SCARB1: variants seen among roughly 807,000 people sequenced by gnomAD.
The protein encoded by SCARB1 is CD36 and LIMPII analogous 1.
SCARB1 carries 30 observed loss-of-function variants against 57.2 expected under a neutral mutation model. The observed-to-expected ratio is 0.52, with a 90% CI of 0.39 to 0.71. SCARB1 has a LOEUF of 0.71. Among genes scored for constraint, SCARB1 ranks in the 30% least tolerant of loss-of-function variants. SCARB1 has a pLI of 0.00. For synonymous variants in SCARB1, 249 were observed against 268.3 expected, an observed-to-expected ratio of 0.93 and a Z score of 0.70; for missense variants, 543 against 671.2, an observed-to-expected ratio of 0.81 and a Z score of 2.11.
intron 2 of SCARB1, among the ~76,000 whole-genome samples, chr12:124,816,118 T>G (rs2135684237): frequency 6.6e-6 from 1 of 152,274 alleles, no homozygotes; most frequent in Non-Finnish European, 1.5e-5. Flanking sequence ...TGAGTGTCCC[T>G]TTGCAGATGT....
At chr12:124,805,943 A>C (rs994201606) in intron 7 of SCARB1, among the ~76,000 whole-genome samples, 2 of 152,074 alleles carry the variant, frequency 1.3e-5, no homozygotes, top group Non-Finnish European at 2.9e-5. Flanking sequence ...AATGTTCTCT[A>C]TCTGTGCTAT....
Position 124,800,220 on chromosome 12 carries a change from A to G in SCARB1, c.1032T>C (p.His344=). Residue 344 remains histidine (H), a synonymous_variant, in exon 8 of 13, where the codon CAT becomes CAC. Transcript: ENST00000261693. The surrounding 1 kb of genome is among the most constrained non-coding windows in gnomAD (Gnocchi z 4.8). ...CRFSAPLFLS[H]PHFLNADPVL... ...CCGGGTCAGCGTTGAGGAAGTGAGG[A>G]TGGGAGAGAAACAAGGGGGCACCTA... The G allele has an allele frequency of 1.2e-6, 2 of 1,613,370 alleles. No individual in the cohort carries two copies. Among genetic ancestry groups the G allele is most frequent in the Non-Finnish European group, 1.7e-6 (2 of 1,179,406 alleles).
chr12:124,806,355 G>T (rs1950323869), intron 7 of SCARB1, among the ~76,000 whole-genome samples: 1 of 152,154 alleles, frequency 6.6e-6, no homozygotes, highest in African/African-American at 2.4e-5. Context: ...TGAGGTGGGG[G>T]TGTCTCAGGG....
chr12:124,801,556 G>A (rs1275049720), intron 7 of SCARB1, among the ~76,000 whole-genome samples: 2 of 152,220 alleles, frequency 1.3e-5, no homozygotes, highest in African/African-American at 4.8e-5. Context: ...GCCAAGGCGG[G>A]TGGATCACTT....
At chr12:124,830,958 A>G (rs1951359954) in intron 1 of SCARB1, among the ~76,000 whole-genome samples, 1 of 147,890 alleles carries the variant, frequency 6.8e-6, no homozygotes. Context: ...GACTACAGGC[A>G]TACGCCACCA....
Position 124,849,950 on chromosome 12 carries a change from G to C in SCARB1, c.126+13645C>G, listed in dbSNP as rs1189014288. The stretch of plus-strand genomic sequence containing the variant: ...ATGGTGGTGCACACCTGTAGTCCCA[G>C]TTATTCAGGAGGCCAAGGTAGGAGG... On this transcript the variant is annotated intron_variant, in intron 1 of 12. Transcript: ENST00000261693. 1.6e-5 allele frequency among the ~76,000 whole-genome samples: 2 copies of C among 125,396 alleles called. 1 individual carries two copies. The highest frequency in any genetic ancestry group is 3.5e-5 in the Non-Finnish European group (2 of 56,500). The allele number at this position is 125,396 out of a possible 152,430, so 82.3% of individuals were successfully genotyped here.
At chr12:124,795,172 C>T (rs761009457) in intron 9 of SCARB1, 23 bp downstream of exon 9, 2 of 1,600,424 alleles carry the variant, frequency 1.2e-6, no homozygotes, top group South Asian at 1.1e-5. Context: ...GCAATGCAGC[C>T]CCAGCTCCCA....
intron 1 of SCARB1, chr12:124,862,637 G>C (rs958108263): frequency 6.6e-6 from 1 of 152,210 alleles, no homozygotes; most frequent in Non-Finnish European, 1.5e-5. Context: ...CATCTGGCTA[G>C]AACTTTGATA....
intron 1 of SCARB1, among the ~76,000 whole-genome samples, chr12:124,838,970 T>C (rs1006462908): frequency 2.6e-5 from 4 of 151,982 alleles, no homozygotes; most frequent in Non-Finnish European, 4.4e-5. Flanking sequence ...AGACGGGGTT[T>C]CACCATCTTG....
At chr12:124,804,129 T>A (rs906595362) in intron 7 of SCARB1, among the ~76,000 whole-genome samples, 3 of 152,168 alleles carry the variant, frequency 2.0e-5, no homozygotes, top group African/African-American at 7.2e-5. Flanking sequence ...CATCTGAGCA[T>A]GTGACACAAG....
At position 124,817,030 on chromosome 12, in the gene SCARB1, G is replaced by GTGTGTGTGTGTGTGTGTGTA. The variant is rs1950745661; in HGVS notation, c.284+500_284+519dup. Among the ~76,000 whole-genome samples the GTGTGTGTGTGTGTGTGTGTA allele has an allele frequency of 1.4e-5, 2 of 141,872 alleles. No individual in the cohort carries two copies. The highest frequency in any genetic ancestry group is 4.2e-4 in the South Asian group (2 of 4,786). The allele number at this position is 141,872 out of a possible 152,430, so 93.1% of individuals were successfully genotyped here. A position where few individuals can be genotyped will look rare whatever the true frequency, so the allele number is the denominator to read the frequency against. On this transcript the variant is annotated intron_variant, in intron 2 of 12. Transcript: ENST00000261693. The surrounding 1 kb of genome is among the most constrained non-coding windows in gnomAD (Gnocchi z 4.8). ...TGCTCCTGGTCATGCATGTGTGTGT[G>GTGTGTGTGTGTGTGTGTGTA]TGTGTGTGTGTGTGTGTGTATGTGT... is the stretch of plus-strand genomic sequence containing the variant.
chr12:124,796,277 A>G lies in SCARB1; in HGVS notation c.1129-1009T>C, dbSNP rs1361394951. On this transcript the variant is annotated intron_variant, in intron 8 of 12. Transcript: ENST00000261693. This position sits in a 1 kb window ranked among gnomAD's most constrained non-coding sequence, Gnocchi z 4.0. ...ATTTATCATTATTATTTTTGTAGAG[A>G]CAGAGTTTCACTATGTTGCCCAGGC... is the stretch of plus-strand genomic sequence containing the variant. Among the ~76,000 whole-genome samples, 1 of 151,946 alleles carries G rather than the reference A, an allele frequency of 6.6e-6. No homozygotes were observed. Among genetic ancestry groups the G allele is most frequent in the Non-Finnish European group, 1.5e-5 (1 of 67,976 alleles).
chr12:124,856,749 G>C (rs142914611), intron 1 of SCARB1, among the ~76,000 whole-genome samples: 2 of 152,212 alleles, frequency 1.3e-5, no homozygotes, highest in Non-Finnish European at 2.9e-5. Context: ...TCCCCCCCAG[G>C]TTCCGCAGGG....
intron 9 of SCARB1, among the ~76,000 whole-genome samples, chr12:124,793,432 G>T (rs570700407): frequency 2.0e-5 from 3 of 151,032 alleles, no homozygotes. Context: ...CGGTGCTCAC[G>T]CCTGTAATCC....
Position 124,812,337 on chromosome 12 carries a change from T to C in SCARB1, c.631-372A>G, listed in dbSNP as rs1950560173. ...GTGGCATGTCACTTGGGGGGATGCTTTAAGGACTGTGCACACGCCTTTCAC... is the reference window on the plus strand; with the variant it reads ...GTGGCATGTCACTTGGGGGGATGCTCTAAGGACTGTGCACACGCCTTTCAC... On this transcript the variant is annotated intron_variant, in intron 4 of 12. Coordinates refer to ENST00000261693, the MANE Select transcript of SCARB1 (RefSeq NM_005505.5). This position sits in a 1 kb window ranked among gnomAD's most constrained non-coding sequence, Gnocchi z 4.3. Among the ~76,000 whole-genome samples the C allele has an allele frequency of 6.6e-6, 1 of 152,090 alleles. No homozygotes were observed. Among genetic ancestry groups the C allele is most frequent in the African/African-American group, 2.4e-5 (1 of 41,422 alleles).
chr12:124,860,740 T>C (rs565495480), intron 1 of SCARB1, among the ~76,000 whole-genome samples: 2 of 152,174 alleles, frequency 1.3e-5, no homozygotes, highest in South Asian at 2.1e-4. Flanking sequence ...TCGCTGTCAT[T>C]TGTGACAGAG....
intron 1 of SCARB1, among the ~76,000 whole-genome samples, chr12:124,854,413 CT>C (rs1290004422): frequency 6.6e-6 from 1 of 152,158 alleles, no homozygotes; most frequent in East Asian, 1.9e-4. Context: ...GCTGTGACTC[CT>C]AGGGGACGGG....
Position 124,793,176 on chromosome 12 carries a change from C to T in SCARB1, c.1202+2019G>A, listed in dbSNP as rs565467160. Among the ~76,000 whole-genome samples, 8 of 152,236 alleles carry T rather than the reference C, an allele frequency of 5.3e-5. No homozygotes were observed. The East Asian group carries it at 9.6e-4, about 18-fold the overall frequency. ...CTGACAAAGTGTTATTCTTTCCAGC[C>T]GAGAGGCATTTGACAAAGCTGAATA... On this transcript the variant is annotated intron_variant, in intron 9 of 12. Coordinates refer to ENST00000261693, the MANE Select transcript of SCARB1 (RefSeq NM_005505.5).
rs368496056 is a variant in SCARB1, at chr12:124,787,391, C to T, written c.1254+15G>A. 6 of 1,613,202 alleles carry T rather than the reference C, an allele frequency of 3.7e-6. No individual in the cohort carries two copies. In the African/African-American group the frequency reaches 5.3e-5, roughly 14 times the overall value. ...TTAACAAAAGCCCCCGACGCTGTGC[C>T]CAACGCACCCTTACCTCTGCAAACC... On this transcript the variant is annotated intron_variant, in intron 10 of 12. Transcript: ENST00000261693.
Sources: allele counts gnomAD v4.1 joint callset (sites outside exome capture counted in the v4.1 genomes callset), GRCh38; gene constraint gnomAD v4.1.1; non-coding constraint Gnocchi (gnomAD v3.1); transcripts MANE v1.5; gene names NCBI Gene and HGNC (gene_info 2026-07-23, HGNC 2026-07-21).